Variants in BAAT observed in about 807,000 individuals in gnomAD.
BAAT encodes the protein bile acid CoA: amino acid N-acyltransferase (glycine N-choloyltransferase).
A neutral mutation model predicts 18.9 loss-of-function variants in BAAT; 13 were observed. The ratio of observed to expected loss-of-function variants is 0.69; its 90% CI spans 0.45 to 1.10. The LOEUF (loss-of-function observed/expected upper bound fraction) is 1.10. Among genes scored for constraint, BAAT ranks in the 50% least tolerant of loss-of-function variants. The pLI is 0.00. For missense variants in BAAT, 489 were observed against 504.0 expected, an observed-to-expected ratio of 0.97 and a Z score of 0.28; for synonymous variants, 170 against 190.7, an observed-to-expected ratio of 0.89 and a Z score of 0.89.
In BAAT at chr9:101,384,681, T is replaced by C. The variant is rs187059186; in HGVS notation, c.-60+174A>G. On this transcript the variant is annotated intron_variant, in intron 1 of 3. Coordinates refer to ENST00000259407, the MANE Select transcript of BAAT (RefSeq NM_001701.4). Reference sequence around the variant, plus strand: ...TAAACATAATGTCGTTAGAAACTAGTCATAAATACACATAAATAAATCTTT... The same window carrying C: ...TAAACATAATGTCGTTAGAAACTAGCCATAAATACACATAAATAAATCTTT... Among the ~76,000 whole-genome samples the C allele has an allele frequency of 5.5e-3, 834 of 152,266 alleles. 1 individual carries two copies. The highest frequency in any genetic ancestry group is 8.1e-3 in the Non-Finnish European group (551 of 68,016).
intron 1 of BAAT, among the ~76,000 whole-genome samples, chr9:101,381,832 ATAC>A (rs1468155242): frequency 1.3e-5 from 2 of 152,154 alleles, no homozygotes; most frequent in African/African-American, 4.8e-5. Context: ...AAAATAAGTG[ATAC>A]TATAGCTTCC....
In BAAT at chr9:101,371,091, A is replaced by T; in HGVS notation, c.314T>A (p.Val105Glu). 6.2e-7 allele frequency: 1 copy of T among 1,614,066 alleles called. No individual in the cohort carries two copies. Residue 105 changes from valine to glutamate, a missense_variant, in exon 2 of 4, where the codon GTA (valine) becomes GAA (glutamate). Val to Glu is a moderately radical substitution (Grantham distance 121). Coordinates refer to ENST00000259407, the MANE Select transcript of BAAT (RefSeq NM_001701.4). ...DVMNRPFQVQ[V>E]KLYDLELIVN... Reference sequence around the variant, plus strand: ...TATTAACTCTAAGTCATAAAGTTTTACTTGGACCTGGAAAGGCCTATTCAT... The same window carrying T: ...TATTAACTCTAAGTCATAAAGTTTTTCTTGGACCTGGAAAGGCCTATTCAT...
chr9:101,373,755 C>G (rs970604352), intron 1 of BAAT, among the ~76,000 whole-genome samples: 19 of 152,112 alleles, frequency 1.2e-4, no homozygotes, highest in African/African-American at 4.6e-4. Context: ...TGTTCAACAT[C>G]TGAGGACTCA....
chr9:101,362,500 C>T lies in BAAT; in HGVS notation c.1185G>A (p.Gln395=), dbSNP rs1246760464. ...TCTGGATCTCCTTCCAAGCATGTTC[C>T]TGTGCAGCTGCGTGTGGGATCACCT... The part of the protein sequence containing the change: ...GGEVIPHAAA[Q]EHAWKEIQRF... Residue 395 remains glutamine (Q), a synonymous_variant, in exon 4 of 4, where the codon CAG becomes CAA. Transcript: ENST00000259407. 3 of 1,613,962 alleles carry T rather than the reference C, an allele frequency of 1.9e-6. No homozygotes were observed. Among genetic ancestry groups the T allele is most frequent in the East Asian group, 2.2e-5 (1 of 44,878 alleles).
At position 101,360,966 on chromosome 9, in the gene BAAT, A is replaced by C. The variant is rs1420309828; in HGVS notation, c.*1462T>G. The C allele has an allele frequency of 6.0e-6, 1 of 165,690 alleles. No homozygotes were observed. The highest frequency in any genetic ancestry group is 1.4e-5 in the Non-Finnish European group (1 of 73,458). 10.3% of individuals were successfully genotyped at this position (165,690 alleles called of 1,614,324 possible). A position where few individuals can be genotyped will look rare whatever the true frequency, so the allele number is the denominator to read the frequency against. The stretch of plus-strand genomic sequence containing the variant: ...TTTCTTGGTGCACAAGAAGGATAAA[A>C]ATGCAAATGTATGGTATGTAAGATC... On this transcript the variant is annotated 3_prime_UTR_variant, in exon 4 of 4. Coordinates refer to ENST00000259407, the MANE Select transcript of BAAT (RefSeq NM_001701.4).
chr9:101,371,120 A>C lies in BAAT; in HGVS notation c.285T>G (p.Asp95Glu), dbSNP rs751945479. The change falls in exon 2 of 4, where the codon GAT (aspartate) becomes GAG (glutamate). Residue 95 changes from aspartate to glutamate, a missense_variant. By Grantham distance (45) the Asp-to-Glu change is conservative. Transcript: ENST00000259407. ...GGACCTGGAAAGGCCTATTCATCAC[A>C]TCTCTTTTCAACAGTCTTGTTAATA... ...EKLLTRLLKRDVMNRPFQVQV... is the reference protein window; with the variant it reads ...EKLLTRLLKREVMNRPFQVQV... The C allele has an allele frequency of 8.1e-6, 13 of 1,614,100 alleles. No homozygotes were observed. The highest frequency in any genetic ancestry group is 6.7e-5 in the Admixed American group (4 of 59,998).
chr9:101,382,982 A>G (rs1830155383), intron 1 of BAAT, among the ~76,000 whole-genome samples: 1 of 152,210 alleles, frequency 6.6e-6, no homozygotes, highest in Non-Finnish European at 1.5e-5. Flanking sequence ...TTTTCACAGA[A>G]TCTAATTCTA....
In BAAT at chr9:101,362,466, T is replaced by C. The variant is rs1054241227; in HGVS notation, c.1219A>G (p.Arg407Gly). 1.9e-6 allele frequency: 3 copies of C among 1,614,142 alleles called. No individual in the cohort carries two copies. Among genetic ancestry groups the C allele is most frequent in the Non-Finnish European group, 8.5e-7 (1 of 1,180,000 alleles). The part of the protein sequence containing the change: ...HAWKEIQRFL[R>G]KHLIPDVTSQ... ...GTCACATCTGGAATGAGGTGCTTCC[T>C]GAGAAATCTCTGGATCTCCTTCCAA... The change falls in exon 4 of 4, where the codon AGG becomes GGG. Residue 407 changes from arginine (R) to glycine (G), a missense_variant. Coordinates refer to ENST00000259407, the MANE Select transcript of BAAT (RefSeq NM_001701.4).
intron 1 of BAAT, among the ~76,000 whole-genome samples, chr9:101,380,718 G>A (rs1439050397): frequency 6.6e-6 from 1 of 152,110 alleles, no homozygotes; most frequent in Non-Finnish European, 1.5e-5. Flanking sequence ...CAATCACATT[G>A]TAAAATTTTT....
At chr9:101,370,865 G>A in intron 2 of BAAT, 74 bp downstream of exon 2, 2 of 1,489,186 alleles carry the variant, frequency 1.3e-6, no homozygotes, top group Non-Finnish European at 1.9e-6. Flanking sequence ...AGCTATTCAA[G>A]CTAAATTTCT....
chr9:101,369,484 G>A (rs1210520768), intron 2 of BAAT, among the ~76,000 whole-genome samples: 1 of 152,120 alleles, frequency 6.6e-6, no homozygotes, highest in Non-Finnish European at 1.5e-5. Context: ...ACACAACTCA[G>A]CTCTCTTTTG....
chr9:101,371,905 G>A lies in BAAT; in HGVS notation c.-59-442C>T, dbSNP rs1177092438. ...TCAAGTCCTGGAAACAGAATGCCTT[G>A]CATCCAAGAGTTTACCTGCAACAGA... On this transcript the variant is annotated intron_variant, in intron 1 of 3. Coordinates refer to ENST00000259407, the MANE Select transcript of BAAT (RefSeq NM_001701.4). 1.8e-4 allele frequency among the ~76,000 whole-genome samples: 28 copies of A among 152,038 alleles called. 1 individual carries two copies. Among genetic ancestry groups the A allele is most frequent in the Admixed American group, 1.8e-3 (27 of 15,240 alleles).
At position 101,362,386 on chromosome 9, in the gene BAAT, A is replaced by G; in HGVS notation, c.*42T>C. ...ATGAAAATTGAGAGAAGGTCCCGGTAAAGAGATTTGCTTCTTTATTTTCTA... is the reference window on the plus strand; with the variant it reads ...ATGAAAATTGAGAGAAGGTCCCGGTGAAGAGATTTGCTTCTTTATTTTCTA... On this transcript the variant is annotated 3_prime_UTR_variant, in exon 4 of 4. Coordinates refer to ENST00000259407, the MANE Select transcript of BAAT (RefSeq NM_001701.4). 1 of 1,591,950 alleles carries G rather than the reference A, an allele frequency of 6.3e-7. No homozygotes were observed. Among genetic ancestry groups the G allele is most frequent in the Non-Finnish European group, 8.6e-7 (1 of 1,161,802 alleles).
intron 1 of BAAT, among the ~76,000 whole-genome samples, chr9:101,375,147 T>C (rs1169111990): frequency 6.6e-6 from 1 of 152,204 alleles, no homozygotes; most frequent in Non-Finnish European, 1.5e-5. Context: ...TCACAAGAAC[T>C]GATGGTTTTA....
chr9:101,363,071 A>G, intron 3 of BAAT, 56 bp from the exon 4 acceptor site: 1 of 1,502,018 alleles, frequency 6.7e-7, no homozygotes, highest in Middle Eastern at 1.7e-4. Context: ...GGAAAACTCC[A>G]CAATCTCAAA....
At chr9:101,365,494 A>T (rs1829811053) in intron 3 of BAAT, among the ~76,000 whole-genome samples, 1 of 151,848 alleles carries the variant, frequency 6.6e-6, no homozygotes, top group African/African-American at 2.4e-5. Context: ...CAAGCTCTGA[A>T]ATTCTGTATT....
intron 1 of BAAT, among the ~76,000 whole-genome samples, chr9:101,378,004 C>G (rs1343604685): frequency 6.6e-6 from 1 of 152,058 alleles, no homozygotes; most frequent in East Asian, 1.9e-4. Flanking sequence ...CCAATCACAA[C>G]TGCTACAAAG....
At position 101,370,881 on chromosome 9, in the gene BAAT, G is replaced by T. The variant is rs1014788984; in HGVS notation, c.466+58C>A. ...GCTATTCAAGCTAAATTTCTAGACG[G>T]ATAATGTATTTAAAGTGGAAAAACA... On this transcript the variant is annotated intron_variant, in intron 2 of 3. Coordinates refer to ENST00000259407, the MANE Select transcript of BAAT (RefSeq NM_001701.4). The T allele has an allele frequency of 3.9e-6, 6 of 1,553,040 alleles. No individual in the cohort carries two copies. In the African/African-American group the frequency reaches 5.4e-5, roughly 14 times the overall value.
intron 1 of BAAT, among the ~76,000 whole-genome samples, chr9:101,380,098 A>G: frequency 6.6e-6 from 1 of 152,172 alleles, no homozygotes; most frequent in East Asian, 1.9e-4. Context: ...TGAGATTCTA[A>G]AAGCCCAATT....
Sources: allele counts gnomAD v4.1 joint callset (sites outside exome capture counted in the v4.1 genomes callset), GRCh38; gene constraint gnomAD v4.1.1; transcripts MANE v1.5; gene names NCBI Gene and HGNC (gene_info 2026-07-23, HGNC 2026-07-21).